The following SYNPR variants were observed in gnomAD, a reference collection of about 807,000 sequenced individuals.
SYNPR encodes synaptoporin.
A neutral mutation model predicts 32.9 loss-of-function variants in SYNPR; 23 were observed. The observed-to-expected ratio is 0.70, with a 90% CI of 0.50 to 0.99. SYNPR has a LOEUF of 0.99. Among genes scored for constraint, SYNPR ranks in the 50% least tolerant of loss-of-function variants. The pLI is 0.00. For missense variants in SYNPR, 318 were observed against 349.3 expected, an observed-to-expected ratio of 0.91 and a Z score of 0.71; for synonymous variants, 146 against 135.9, an observed-to-expected ratio of 1.07 and a Z score of -0.52.
At position 63,489,255 on chromosome 3, in the gene SYNPR, C is replaced by T. The variant is rs140751693; in HGVS notation, c.209+8299C>T. Among the ~76,000 whole-genome samples, 501 of 152,266 alleles carry T rather than the reference C, an allele frequency of 3.3e-3. 5 individuals are homozygous for T. The highest frequency in any genetic ancestry group is 0.011 in the African/African-American group (459 of 41,552). On this transcript the variant is annotated intron_variant, in intron 3 of 5. Transcript: ENST00000478300. ...GACATGCTCCAACAGTAAATCCATC[C>T]GGCAAGTGTTCAGGCTGGATAATTA...
At chr3:63,592,738 T>C (rs1699860708) in intron 4 of SYNPR, among the ~76,000 whole-genome samples, 1 of 152,028 alleles carries the variant, frequency 6.6e-6, no homozygotes, top group East Asian at 1.9e-4. Flanking sequence ...CCACCTAATG[T>C]ATTTGGCCAT....
intron 4 of SYNPR, among the ~76,000 whole-genome samples, chr3:63,570,168 T>A (rs937690374): frequency 1.3e-5 from 2 of 152,152 alleles, no homozygotes; most frequent in African/African-American, 4.8e-5. Context: ...CTGGGCTTTA[T>A]GAAACCCTCA....
chr3:63,404,905 G>A (rs1257649818), intron 2 of SYNPR, among the ~76,000 whole-genome samples: 1 of 152,186 alleles, frequency 6.6e-6, no homozygotes, highest in East Asian at 1.9e-4. Flanking sequence ...AAAGTCTACA[G>A]AAGGGAGTGG....
chr3:63,352,084 C>A (rs2087517479), intron 2 of SYNPR, among the ~76,000 whole-genome samples: 1 of 151,946 alleles, frequency 6.6e-6, no homozygotes, highest in South Asian at 2.1e-4. Flanking sequence ...GCTGAGAGGA[C>A]AGTAAGTCCA....
intron 2 of SYNPR, among the ~76,000 whole-genome samples, chr3:63,451,256 C>T (rs1223473335): frequency 6.6e-6 from 1 of 152,070 alleles, no homozygotes; most frequent in Admixed American, 6.6e-5. Flanking sequence ...ATTTTGCTAT[C>T]AGTTTTCATT....
chr3:63,487,546 A>G (rs1701179592), intron 3 of SYNPR, among the ~76,000 whole-genome samples: 1 of 152,216 alleles, frequency 6.6e-6, no homozygotes, highest in Non-Finnish European at 1.5e-5. Flanking sequence ...ATTACCCTTG[A>G]GAAAACAAAT....
At chr3:63,520,151 T>A (rs1168716345) in intron 3 of SYNPR, among the ~76,000 whole-genome samples, 1 of 152,244 alleles carries the variant, frequency 6.6e-6, no homozygotes, top group African/African-American at 2.4e-5. Flanking sequence ...GTCCCACACA[T>A]AAGTCATGAA....
At chr3:63,249,512 G>T (rs2086314892) in intron 1 of SYNPR, among the ~76,000 whole-genome samples, 1 of 152,094 alleles carries the variant, frequency 6.6e-6, no homozygotes, top group Non-Finnish European at 1.5e-5. Flanking sequence ...GGATGCAAAG[G>T]TATAAGAATA....
chr3:63,259,425 G>T (rs1002821679), intron 2 of SYNPR, among the ~76,000 whole-genome samples: 1 of 150,194 alleles, frequency 6.7e-6, no homozygotes, highest in African/African-American at 2.5e-5. Context: ...CAACATACAC[G>T]AATCAATAAC....
chr3:63,513,913 G>A (rs530603503), intron 3 of SYNPR, among the ~76,000 whole-genome samples: 15 of 152,084 alleles, frequency 9.9e-5, no homozygotes, highest in Non-Finnish European at 1.6e-4. Context: ...CTAAAATGAA[G>A]CCCTTTATAT....
the SYNPR span, among the ~76,000 whole-genome samples, chr3:63,207,626 C>T: frequency 6.6e-6 from 1 of 152,096 alleles, no homozygotes; most frequent in South Asian, 2.1e-4. Context: ...TAATATGAAT[C>T]ATGAGGCTCT....
intron 2 of SYNPR, among the ~76,000 whole-genome samples, chr3:63,344,342 T>A (rs1467251016): frequency 6.6e-6 from 1 of 152,206 alleles, no homozygotes; most frequent in Non-Finnish European, 1.5e-5. Context: ...AGCTCACAAG[T>A]CAGAAAGCTC....
chr3:63,276,017 C>A (rs1159119272), upstream of SYNPR, among the ~76,000 whole-genome samples: 1 of 152,062 alleles, frequency 6.6e-6, no homozygotes, highest in African/African-American at 2.4e-5. Context: ...TTGCTTACAC[C>A]CCAAAATGCA....
chr3:63,498,100 G>C (rs1414853928), intron 3 of SYNPR, among the ~76,000 whole-genome samples: 1 of 152,154 alleles, frequency 6.6e-6, no homozygotes, highest in Non-Finnish European at 1.5e-5. Flanking sequence ...CATTTGGTCA[G>C]TCCATCTGTG....
Position 63,255,765 on chromosome 3 carries a change from C to T in SYNPR, n.154+3179C>T, listed in dbSNP as rs529034739. ...GACAGTGGGTGAAGGACAGTGGGTG[C>T]AGTGCACCGAGTGTGAGCAGGAAGT... On this transcript the variant is annotated intron_variant and non_coding_transcript_variant, in intron 2 of 4. Transcript: ENST00000478456. Among the ~76,000 whole-genome samples, 10 of 152,138 alleles carry T rather than the reference C, an allele frequency of 6.6e-5. No individual in the cohort carries two copies. In the South Asian group the frequency reaches 1.9e-3, roughly 28 times the overall value.
intron 1 of SYNPR, among the ~76,000 whole-genome samples, chr3:63,230,530 A>C (rs1218279893): frequency 6.6e-6 from 1 of 152,190 alleles, no homozygotes; most frequent in East Asian, 1.9e-4. Context: ...AGACTAAATG[A>C]GGTTATCCAC....
chr3:63,587,703 T>A (rs911962811), intron 4 of SYNPR, among the ~76,000 whole-genome samples: 1 of 152,080 alleles, frequency 6.6e-6, no homozygotes, highest in Non-Finnish European at 1.5e-5. Context: ...TATTGATTAT[T>A]GTTTTGTTTT....
intron 2 of SYNPR, among the ~76,000 whole-genome samples, chr3:63,452,724 T>C (rs1700401549): frequency 6.6e-6 from 1 of 152,020 alleles, no homozygotes; most frequent in African/African-American, 2.4e-5. Flanking sequence ...AAGCCACACA[T>C]TGTGTATATG....
the SYNPR span, among the ~76,000 whole-genome samples, chr3:63,221,654 G>A: frequency 1.3e-5 from 2 of 152,172 alleles, no homozygotes; most frequent in Non-Finnish European, 2.9e-5. Flanking sequence ...TTTCAGCGCT[G>A]TGCCTGTGAC....
Sources: allele counts gnomAD v4.1 joint callset (sites outside exome capture counted in the v4.1 genomes callset), GRCh38; gene constraint gnomAD v4.1.1; transcripts MANE v1.5; gene names NCBI Gene and HGNC (gene_info 2026-07-23, HGNC 2026-07-21).